The following MASP1 variants were observed in gnomAD, a reference collection of about 807,000 sequenced individuals.
MASP1 encodes the protein mannan-binding lectin serine protease 1.
In MASP1, 59 loss-of-function variants were observed where a neutral mutation model predicts 77.1. The observed-to-expected ratio is 0.77, with a 90% CI of 0.62 to 0.95. The LOEUF is 0.95. Ranked by LOEUF, MASP1 falls within the 40% of genes least tolerant of loss-of-function variation. MASP1 has a pLI of 0.00. For missense variants in MASP1, 885 were observed against 912.9 expected, an observed-to-expected ratio of 0.97 and a Z score of 0.39; for synonymous variants, 362 against 354.5, an observed-to-expected ratio of 1.02 and a Z score of -0.24.
chr3:187,291,498 G>C, intron 1 of MASP1, 130 bp downstream of exon 1: 8 of 1,252,310 alleles, frequency 6.4e-6, no homozygotes, highest in Non-Finnish European at 8.2e-6. Flanking sequence ...CCTAAGAATT[G>C]ATGAGAAAGC....
intron 4 of MASP1, among the ~76,000 whole-genome samples, chr3:187,260,467 A>C (rs3815622): frequency 0.011 from 1,661 of 152,286 alleles, 27 homozygotes; most frequent in East Asian, 0.031. Flanking sequence ...ATTGCCTACA[A>C]TAGGATAGGA....
At chr3:187,217,623 C>T (rs1010722835) in exon 16 of MASP1, 1 of 152,076 alleles carries the variant, frequency 6.6e-6, no homozygotes, top group African/African-American at 2.4e-5. Flanking sequence ...AGAATGAGGT[C>T]GCGAAGTTAG....
At chr3:187,290,843 T>C (rs1019791828) in intron 1 of MASP1, among the ~76,000 whole-genome samples, 1 of 151,774 alleles carries the variant, frequency 6.6e-6, no homozygotes, top group Non-Finnish European at 1.5e-5. Flanking sequence ...CTAGGGTGGT[T>C]GGGTTTTCAG....
intron 9 of MASP1, chr3:187,241,903 C>A (rs1003865768): frequency 3.0e-5 from 9 of 299,708 alleles, no homozygotes; most frequent in African/African-American, 1.7e-4. Context: ...AGCTCAGAAT[C>A]ACGAATGGCT....
chr3:187,274,229 A>G (rs1296106181), intron 2 of MASP1, among the ~76,000 whole-genome samples: 1 of 152,046 alleles, frequency 6.6e-6, no homozygotes, highest in Non-Finnish European at 1.5e-5. Flanking sequence ...TAATAAAAAT[A>G]ATGATGATGA....
chr3:187,278,798 T>A (rs1432321629), intron 2 of MASP1, among the ~76,000 whole-genome samples: 1 of 152,218 alleles, frequency 6.6e-6, no homozygotes, highest in Non-Finnish European at 1.5e-5. Context: ...GTGGGCTTTC[T>A]TGAAGTATAC....
chr3:187,277,238 C>T (rs1380189062), intron 2 of MASP1, among the ~76,000 whole-genome samples: 1 of 152,156 alleles, frequency 6.6e-6, no homozygotes, highest in Non-Finnish European at 1.5e-5. Context: ...TGCCAGGAGA[C>T]ATGTGCCTTT....
intron 2 of MASP1, among the ~76,000 whole-genome samples, chr3:187,275,411 A>G (rs968343930): frequency 6.6e-6 from 1 of 152,094 alleles, no homozygotes; most frequent in Non-Finnish European, 1.5e-5. Flanking sequence ...TTTGCACAGA[A>G]ATCCTACAAG....
chr3:187,288,246 A>G (rs1297685587), intron 1 of MASP1, among the ~76,000 whole-genome samples: 1 of 152,236 alleles, frequency 6.6e-6, no homozygotes, highest in Non-Finnish European at 1.5e-5. Context: ...CAGAGGCAGA[A>G]GGAAGGGAAG....
downstream of MASP1, chr3:187,229,771 C>G (rs889294322): frequency 2.6e-5 from 42 of 1,614,056 alleles, no homozygotes; most frequent in Non-Finnish European, 3.4e-5. Context: ...TAGAAGGGAG[C>G]CTCCGCAGAA....
intron 4 of MASP1, among the ~76,000 whole-genome samples, chr3:187,258,818 C>T (rs1252484713): frequency 2.0e-5 from 3 of 152,204 alleles, no homozygotes; most frequent in Non-Finnish European, 4.4e-5. Context: ...CTTCCATTTT[C>T]TGTCCATCAC....
At chr3:187,253,073 G>A (rs1714757086) in intron 6 of MASP1, 95 bp downstream of exon 6, 1 of 1,539,404 alleles carries the variant, frequency 6.5e-7, no homozygotes, top group African/African-American at 1.4e-5. Flanking sequence ...CAGGTCTCCA[G>A]AGGAGATCCA....
chr3:187,286,137 A>C, intron 1 of MASP1, 81 bp from the exon 2 acceptor site: 1 of 1,129,100 alleles, frequency 8.9e-7, no homozygotes, highest in South Asian at 1.3e-5. Flanking sequence ...CAGGAGAACA[A>C]GATCTCAGCA....
chr3:187,272,383 T>C (rs1716597525), intron 2 of MASP1, among the ~76,000 whole-genome samples: 1 of 152,112 alleles, frequency 6.6e-6, no homozygotes, highest in Non-Finnish European at 1.5e-5. Context: ...GTTGGAAAAA[T>C]TACTTAAACT....
chr3:187,243,564 C>T lies in MASP1; in HGVS notation c.1148G>A (p.Arg383Lys). 2.5e-6 allele frequency: 4 copies of T among 1,614,140 alleles called. No individual in the cohort carries two copies. Among genetic ancestry groups the T allele is most frequent in the Non-Finnish European group, 2.5e-6 (3 of 1,180,042 alleles). Reference sequence around the variant, plus strand: ...AGACTTGTATGTGGTGAGGTTGTTCCTTGTAGAGAAGGTGATCAGCCCGTG... The same window carrying T: ...AGACTTGTATGTGGTGAGGTTGTTCTTTGTAGAGAAGGTGATCAGCCCGTG... Reference protein sequence around the residue: ...LEHGLITFSTRNNLTTYKSEI... With the variant: ...LEHGLITFSTKNNLTTYKSEI... Residue 383 changes from arginine to lysine, a missense_variant, in exon 9 of 11, where the codon AGG becomes AAG. Transcript: ENST00000296280.
At chr3:187,254,420 A>G (rs1261136847) in intron 5 of MASP1, among the ~76,000 whole-genome samples, 1 of 152,158 alleles carries the variant, frequency 6.6e-6, no homozygotes, top group Non-Finnish European at 1.5e-5. Context: ...AAAACTGCAT[A>G]TGTAAAGGTC....
At chr3:187,268,749 T>G (rs1418201578) in intron 2 of MASP1, among the ~76,000 whole-genome samples, 1 of 151,974 alleles carries the variant, frequency 6.6e-6, no homozygotes, top group Non-Finnish European at 1.5e-5. Flanking sequence ...ACTAGCTGGG[T>G]TGGAAAACAG....
At chr3:187,262,374 AG>A (rs1181407462) in intron 3 of MASP1, among the ~76,000 whole-genome samples, 168 bp downstream of exon 3, 2 of 152,224 alleles carry the variant, frequency 1.3e-5, no homozygotes, top group African/African-American at 4.8e-5. Context: ...GGATGGATAG[AG>A]GGTAGATAGA....
intron 2 of MASP1, among the ~76,000 whole-genome samples, chr3:187,276,270 T>C (rs979235237): frequency 1.3e-5 from 2 of 152,232 alleles, no homozygotes; most frequent in African/African-American, 4.8e-5. Context: ...ACTTATTACT[T>C]AGTACATAAT....
Sources: allele counts gnomAD v4.1 joint callset (sites outside exome capture counted in the v4.1 genomes callset), GRCh38; gene constraint gnomAD v4.1.1; transcripts MANE v1.5; gene names NCBI Gene and HGNC (gene_info 2026-07-23, HGNC 2026-07-21).